The following SGCZ variants were observed in gnomAD, a reference collection of about 807,000 sequenced individuals.
SGCZ encodes the protein sarcoglycan zeta.
SGCZ carries 40 observed loss-of-function variants against 41.3 expected under a neutral mutation model. The observed-to-expected ratio is 0.97, with a 90% confidence interval of 0.75 to 1.26. The LOEUF (loss-of-function observed/expected upper bound fraction) is 1.26, where lower values mean the gene tolerates loss of function less well. SGCZ is among the 50% of genes most tolerant of loss of function. SGCZ has a pLI of 0.00. For missense variants in SGCZ, 552 were observed against 369.8 expected (o/e 1.49, Z -4.04); for synonymous variants, 206 against 137.5 (o/e 1.50, Z -3.49).
At chr8:15,054,028 G>A (rs1804616275) in intron 1 of SGCZ, among the ~76,000 whole-genome samples, 1 of 152,182 alleles carries the variant, frequency 6.6e-6, no homozygotes, top group Non-Finnish European at 1.5e-5. Flanking sequence ...CAAAGTGGAT[G>A]TGATGTGCAG....
intron 2 of SGCZ, among the ~76,000 whole-genome samples, chr8:14,499,710 G>A (rs565951175): frequency 5.9e-5 from 9 of 151,724 alleles, no homozygotes; most frequent in Non-Finnish European, 1.0e-4. Context: ...TTTAAATTCT[G>A]TATTTATTTT....
At chr8:14,399,684 G>C (rs528129099) in intron 2 of SGCZ, among the ~76,000 whole-genome samples, 23 of 151,956 alleles carry the variant, frequency 1.5e-4, no homozygotes, top group African/African-American at 5.1e-4. Flanking sequence ...TTTATTCATT[G>C]CTTTAAACTT....
At chr8:14,364,964 C>G (rs1385348947) in intron 2 of SGCZ, among the ~76,000 whole-genome samples, 1 of 151,986 alleles carries the variant, frequency 6.6e-6, no homozygotes, top group African/African-American at 2.4e-5. Context: ...CCTTCCATAG[C>G]TCTCATGTTT....
At chr8:14,839,880 A>G (rs900174061) in intron 1 of SGCZ, among the ~76,000 whole-genome samples, 19 of 152,198 alleles carry the variant, frequency 1.2e-4, no homozygotes, top group African/African-American at 4.3e-4. Context: ...GAAAAGGATC[A>G]ATGTCATTTT....
At chr8:14,620,593 G>GAA (rs138138673) in intron 1 of SGCZ, among the ~76,000 whole-genome samples, 1 of 151,944 alleles carries the variant, frequency 6.6e-6, no homozygotes, top group South Asian at 2.1e-4. Flanking sequence ...AAATTTATGA[G>GAA]AAAAAACAAA....
At chr8:14,470,998 G>A (rs1190724302) in intron 2 of SGCZ, among the ~76,000 whole-genome samples, 3 of 152,110 alleles carry the variant, frequency 2.0e-5, no homozygotes, top group Non-Finnish European at 2.9e-5. Context: ...TAAGTTAACT[G>A]AAGGAGTGCC....
At position 14,164,568 on chromosome 8, in the gene SGCZ, C is replaced by T; in HGVS notation, c.547+12G>A. 6 of 1,612,714 alleles carry T rather than the reference C, an allele frequency of 3.7e-6. No homozygotes were observed. Among genetic ancestry groups the T allele is most frequent in the Non-Finnish European group, 5.1e-6 (6 of 1,179,272 alleles). ...GAAGTAAACAATTTTTCAAGACCTCCATCTACAGTACCTGTAACTTTCAGC... is the reference window on the plus strand; with the variant it reads ...GAAGTAAACAATTTTTCAAGACCTCTATCTACAGTACCTGTAACTTTCAGC... On this transcript the variant is annotated intron_variant, in intron 5 of 7. Transcript: ENST00000382080.
chr8:14,826,334 G>T (rs996031169), intron 1 of SGCZ, among the ~76,000 whole-genome samples: 1 of 152,102 alleles, frequency 6.6e-6, no homozygotes, highest in South Asian at 2.1e-4. Context: ...AGTCTATCAT[G>T]GTTGGACATT....
At chr8:14,764,188 G>A (rs1349366721) in intron 1 of SGCZ, among the ~76,000 whole-genome samples, 1 of 152,168 alleles carries the variant, frequency 6.6e-6, no homozygotes, top group East Asian at 1.9e-4. Flanking sequence ...TTGTAAAAAA[G>A]CACTTATTCA....
intron 1 of SGCZ, among the ~76,000 whole-genome samples, chr8:14,795,478 T>A (rs1801092342): frequency 6.6e-6 from 1 of 152,152 alleles, no homozygotes; most frequent in South Asian, 2.1e-4. Context: ...AGGTTCTTGC[T>A]GTCACCCATG....
chr8:14,426,737 C>A (rs1230602220), intron 2 of SGCZ, among the ~76,000 whole-genome samples: 2 of 151,900 alleles, frequency 1.3e-5, no homozygotes, highest in African/African-American at 4.8e-5. Flanking sequence ...CAGCAGGCAA[C>A]TGGAAGTAAT....
intron 5 of SGCZ, among the ~76,000 whole-genome samples, chr8:14,137,550 G>A (rs1803238309): frequency 6.6e-6 from 1 of 152,144 alleles, no homozygotes; most frequent in Non-Finnish European, 1.5e-5. Context: ...TTCTGTAGAT[G>A]ATTCAATCAA....
At chr8:14,510,257 G>C in intron 2 of SGCZ, among the ~76,000 whole-genome samples, 1 of 152,178 alleles carries the variant, frequency 6.6e-6, no homozygotes, top group Non-Finnish European at 1.5e-5. Context: ...AGGCAGACTG[G>C]TGGAGTAGAA....
chr8:15,215,289 A>G (rs1801362127), intron 1 of SGCZ, among the ~76,000 whole-genome samples: 1 of 152,218 alleles, frequency 6.6e-6, no homozygotes. Context: ...TAGTTCTAGT[A>G]GGGTGCCTCT....
chr8:14,567,509 C>T (rs1040110781), intron 1 of SGCZ, among the ~76,000 whole-genome samples: 8 of 152,230 alleles, frequency 5.3e-5, no homozygotes, highest in African/African-American at 1.9e-4. Context: ...GACCAATCAG[C>T]ACCTTGTCAA....
At chr8:15,041,585 C>A (rs796539640) in intron 1 of SGCZ, among the ~76,000 whole-genome samples, 1 of 151,956 alleles carries the variant, frequency 6.6e-6, no homozygotes, top group East Asian at 1.9e-4. Context: ...ATTTCCTAGT[C>A]AGATTCAGAG....
At chr8:14,927,387 G>A (rs1799790591) in intron 1 of SGCZ, among the ~76,000 whole-genome samples, 2 of 152,096 alleles carry the variant, frequency 1.3e-5, no homozygotes, top group African/African-American at 4.8e-5. Flanking sequence ...GGGATTACAG[G>A]CGTGAGCCAC....
At chr8:14,610,692 T>C (rs557345323) in intron 1 of SGCZ, among the ~76,000 whole-genome samples, 2 of 152,248 alleles carry the variant, frequency 1.3e-5, no homozygotes, top group Admixed American at 1.3e-4. Context: ...AGAAAATATG[T>C]TTCATAAAAT....
chr8:14,128,718 TAC>T (rs144594296), intron 5 of SGCZ, among the ~76,000 whole-genome samples: 16 of 150,240 alleles, frequency 1.1e-4, no homozygotes, highest in Non-Finnish European at 1.3e-4. Flanking sequence ...TATATACATA[TAC>T]ACACACACAC....
Sources: allele counts gnomAD v4.1 joint callset (sites outside exome capture counted in the v4.1 genomes callset), GRCh38; gene constraint gnomAD v4.1.1; transcripts MANE v1.5; gene names NCBI Gene and HGNC (gene_info 2026-07-23, HGNC 2026-07-21).